COPS2: variants seen among roughly 807,000 people sequenced by gnomAD.
COPS2 encodes COP9 signalosome subunit 2, also known as COP9 signalosome complex subunit 2.
A neutral mutation model predicts 66.1 loss-of-function variants in COPS2; 10 were observed. That is an observed-to-expected ratio of 0.15 (90% CI 0.09 to 0.26). COPS2 has a LOEUF of 0.26. COPS2 is among the 10% of genes least tolerant of loss of function. The probability of loss-of-function intolerance (pLI) is 1.00; values close to 1 mark genes in which losing one functional copy is unlikely to be tolerated. For synonymous variants in COPS2, 179 were observed against 171.3 expected (o/e 1.04, Z -0.35); for missense variants, 215 against 513.3 (o/e 0.42, Z 5.62).
chr15:49,132,569 T>C (rs1196817279), intron 9 of COPS2, among the ~76,000 whole-genome samples: 1 of 95,258 alleles, frequency 1.0e-5, no homozygotes, highest in African/African-American at 4.3e-5. Flanking sequence ...TACATATATC[T>C]GCAAAAAAAA....
intron 1 of COPS2, among the ~76,000 whole-genome samples, chr15:49,153,599 T>C (rs1414504678): frequency 2.6e-5 from 4 of 152,170 alleles, no homozygotes; most frequent in African/African-American, 7.2e-5. Context: ...TCCATGTTCA[T>C]TGCAGCATTA....
intron 10 of COPS2, 137 bp downstream of exon 10, chr15:49,130,582 T>A (rs1449121695): frequency 2.2e-6 from 1 of 458,708 alleles, no homozygotes; most frequent in Non-Finnish European, 3.9e-6. Context: ...TCCCATCCAA[T>A]GACAGCATTT....
intron 6 of COPS2, among the ~76,000 whole-genome samples, chr15:49,135,865 G>C (rs1280258147): frequency 1.3e-5 from 2 of 152,090 alleles, no homozygotes; most frequent in Non-Finnish European, 2.9e-5. Context: ...CATCCTGATA[G>C]CATTTTTATG....
At chr15:49,151,758 A>G (rs1444059691) in intron 1 of COPS2, among the ~76,000 whole-genome samples, 1 of 151,736 alleles carries the variant, frequency 6.6e-6, no homozygotes, top group Non-Finnish European at 1.5e-5. Context: ...CAGATCTTAG[A>G]ACATACATGA....
intron 6 of COPS2, among the ~76,000 whole-genome samples, chr15:49,135,241 A>G (rs190142980): frequency 3.3e-4 from 51 of 152,274 alleles, no homozygotes; most frequent in Admixed American, 2.9e-3. Context: ...TACGTATGAA[A>G]TGTTTTAATG....
intron 3 of COPS2, among the ~76,000 whole-genome samples, chr15:49,140,652 T>C (rs1344670803): frequency 6.6e-6 from 1 of 152,060 alleles, no homozygotes; most frequent in Non-Finnish European, 1.5e-5. Context: ...CCTAAGTATA[T>C]CCTGTAAGTC....
chr15:49,127,047 GT>G lies in COPS2; in HGVS notation c.*902del, dbSNP rs2084172174. 1 of 151,858 alleles carries G rather than the reference GT, an allele frequency of 6.6e-6. No homozygotes were observed. Among genetic ancestry groups the G allele is most frequent in the Non-Finnish European group, 1.5e-5 (1 of 67,930 alleles). The allele number at this position is 151,858 out of a possible 1,614,324, so 9.4% of individuals were successfully genotyped here. A position where few individuals can be genotyped will look rare whatever the true frequency, so the allele number is the denominator to read the frequency against. On this transcript the variant is annotated 3_prime_UTR_variant, in exon 13 of 13. Transcript: ENST00000388901. ...TAGCTGTCTATGTTCTGGCATATTCGTTTAAAGTGAACATTCTGAGAGTTAG... is the reference window on the plus strand; with the variant it reads ...TAGCTGTCTATGTTCTGGCATATTCGTTAAAGTGAACATTCTGAGAGTTAG...
chr15:49,153,854 G>C (rs1034077591), intron 1 of COPS2, among the ~76,000 whole-genome samples: 1 of 152,148 alleles, frequency 6.6e-6, no homozygotes, highest in Non-Finnish European at 1.5e-5. Flanking sequence ...CGGTGGTAGA[G>C]AGTAGAATGA....
chr15:49,154,396 G>A (rs2084392887), intron 1 of COPS2, among the ~76,000 whole-genome samples: 2 of 152,230 alleles, frequency 1.3e-5, no homozygotes, highest in Middle Eastern at 3.4e-3. Flanking sequence ...TCAAATAATA[G>A]CGAGAATTTC....
intron 4 of COPS2, among the ~76,000 whole-genome samples, chr15:49,138,593 T>C (rs1802265051): frequency 6.6e-6 from 1 of 152,202 alleles, no homozygotes; most frequent in African/African-American, 2.4e-5. Context: ...CTCCATGATA[T>C]ATAGCTTAAC....
Position 49,131,937 on chromosome 15 carries a change from G to A in COPS2, c.948-1121C>T, listed in dbSNP as rs549220393. Among the ~76,000 whole-genome samples the A allele has an allele frequency of 3.3e-5, 5 of 152,180 alleles. No homozygotes were observed. The South Asian group carries it at 1.0e-3, about 32-fold the overall frequency. On this transcript the variant is annotated intron_variant, in intron 9 of 12. Transcript: ENST00000388901. ...ATAAGTTTTGAGTTCTAATACAGTG[G>A]CTTTGCTGGAGTAGTTGGATATAAT...
chr15:49,151,685 C>T (rs2084362519), intron 1 of COPS2, among the ~76,000 whole-genome samples: 1 of 151,962 alleles, frequency 6.6e-6, no homozygotes, highest in Non-Finnish European at 1.5e-5. Context: ...TTTACTAGCA[C>T]CATCACCTAC....
At chr15:49,145,240 T>C (rs2084313471) in intron 1 of COPS2, among the ~76,000 whole-genome samples, 162 bp from the exon 2 acceptor site, 1 of 152,196 alleles carries the variant, frequency 6.6e-6, no homozygotes, top group Non-Finnish European at 1.5e-5. Flanking sequence ...AACTGTTATA[T>C]AAAACCAGGG....
chr15:49,137,423 C>T lies in COPS2; in HGVS notation c.387G>A (p.Gln129=). 1 of 1,611,584 alleles carries T rather than the reference C, an allele frequency of 6.2e-7. No individual in the cohort carries two copies. The highest frequency in any genetic ancestry group is 8.5e-7 in the Non-Finnish European group (1 of 1,178,446). ...ISTSKQMDLL[Q]EFYETTLEAL... is the part of the protein sequence containing the mutation. ...CTTCCAGTGTTGTTTCATAGAATTC[C>T]TGCAGTAAATCCATCTGACATAAAA... The change falls in exon 5 of 13, where the codon CAG becomes CAA. Residue 129 remains glutamine, a synonymous_variant. Transcript: ENST00000388901.
intron 3 of COPS2, among the ~76,000 whole-genome samples, chr15:49,143,769 G>A (rs916776141): frequency 2.6e-5 from 4 of 152,130 alleles, no homozygotes; most frequent in Non-Finnish European, 5.9e-5. Flanking sequence ...GGCAGATCAC[G>A]AGGTCAGGAG....
chr15:49,150,886 C>A (rs899389725), intron 1 of COPS2, among the ~76,000 whole-genome samples: 10 of 152,126 alleles, frequency 6.6e-5, no homozygotes, highest in South Asian at 2.1e-4. Flanking sequence ...CTAACCTGCA[C>A]ATGTACCCTT....
At chr15:49,132,223 TC>T (rs1302877659) in intron 9 of COPS2, among the ~76,000 whole-genome samples, 2 of 152,124 alleles carry the variant, frequency 1.3e-5, no homozygotes, top group Admixed American at 6.6e-5. Flanking sequence ...AGATGACGTT[TC>T]CTTTAATAAT....
At position 49,123,220 on chromosome 15, in the gene COPS2, C is replaced by T. The variant is rs1422810536; in HGVS notation, c.*4730G>A. 6.6e-6 allele frequency: 1 copy of T among 152,194 alleles called. No homozygotes were observed. Among genetic ancestry groups the T allele is most frequent in the East Asian group, 1.9e-4 (1 of 5,204 alleles). The allele number at this position is 152,194 out of a possible 1,614,324, so 9.4% of individuals were successfully genotyped here. On this transcript the variant is annotated 3_prime_UTR_variant, in exon 13 of 13. Coordinates refer to ENST00000388901, the MANE Select transcript of COPS2 (RefSeq NM_004236.4). ...CTAATAAGCATGCCAAAACTTTTGA[C>T]AACTTCATGGGATGACGCTAGAGAT...
At chr15:49,146,756 C>G (rs1395374132) in intron 1 of COPS2, among the ~76,000 whole-genome samples, 1 of 152,122 alleles carries the variant, frequency 6.6e-6, no homozygotes, top group African/African-American at 2.4e-5. Context: ...TTCTAATATC[C>G]TCATGGTTAA....
Sources: gnomAD v4.1 joint callset for allele counts (sites outside exome capture counted in the v4.1 genomes callset) on GRCh38, gnomAD v4.1.1 for gene constraint, MANE v1.5 for transcripts, NCBI Gene and HGNC (gene_info 2026-07-23, HGNC 2026-07-21) for gene names.